Variants in PRKN observed in about 807,000 individuals in gnomAD.
PRKN encodes the protein parkin RBR E3 ubiquitin protein ligase.
Under a neutral mutation model 59.5 loss-of-function variants are expected in PRKN, and 56 were observed. The observed-to-expected ratio is 0.94, with a 90% CI of 0.76 to 1.18. PRKN has a LOEUF of 1.18. Among genes scored for constraint, PRKN ranks in the 50% most tolerant of loss-of-function variants. The probability of loss-of-function intolerance (pLI) is 0.00; values close to 1 mark genes in which losing one functional copy is unlikely to be tolerated. For synonymous variants in PRKN, 250 were observed against 222.1 expected, an observed-to-expected ratio of 1.13 and a Z score of -1.12; for missense variants, 657 against 596.4, an observed-to-expected ratio of 1.10 and a Z score of -1.06.
chr6:161,984,898 G>A (rs1249340533), intron 5 of PRKN, among the ~76,000 whole-genome samples: 1 of 152,176 alleles, frequency 6.6e-6, no homozygotes. Context: ...CTGCTGGCCA[G>A]ATGAAGCAGC....
chr6:161,995,193 A>G (rs1781796614), intron 5 of PRKN, among the ~76,000 whole-genome samples: 1 of 152,202 alleles, frequency 6.6e-6, no homozygotes, highest in South Asian at 2.1e-4. Flanking sequence ...TGGAGAAAGG[A>G]CACTACAATA....
chr6:162,126,027 A>C (rs1781109725), intron 4 of PRKN, among the ~76,000 whole-genome samples: 1 of 152,200 alleles, frequency 6.6e-6, no homozygotes, highest in Non-Finnish European at 1.5e-5. Context: ...GCTTCTGTAG[A>C]TTATGATGTC....
intron 7 of PRKN, among the ~76,000 whole-genome samples, chr6:161,704,682 C>G (rs1378550076): frequency 6.6e-6 from 1 of 152,118 alleles, no homozygotes; most frequent in African/African-American, 2.4e-5. Flanking sequence ...AGTACCACAC[C>G]AAGCCCAAAA....
chr6:161,756,163 C>T (rs1057031120), intron 7 of PRKN, among the ~76,000 whole-genome samples: 5 of 152,054 alleles, frequency 3.3e-5, no homozygotes, highest in African/African-American at 1.2e-4. Flanking sequence ...CTTTCTCGGC[C>T]AGACGCGGTG....
intron 6 of PRKN, among the ~76,000 whole-genome samples, chr6:161,915,235 G>A (rs1778510989): frequency 1.3e-5 from 2 of 152,208 alleles, no homozygotes; most frequent in Admixed American, 1.3e-4. Flanking sequence ...GCAGTGAGCC[G>A]AGGTTGTGCC....
At position 162,357,462 on chromosome 6, in the gene PRKN, G is replaced by A. The variant is rs140497480; in HGVS notation, c.171+85848C>T. ...AGATAGTACTGCCCACCTAGTTGAT[G>A]GCTAAAATTCAGAACACTGAAAACA... On this transcript the variant is annotated intron_variant, in intron 2 of 11. Transcript: ENST00000366898. 2.4e-3 allele frequency among the ~76,000 whole-genome samples: 370 copies of A among 152,294 alleles called. 1 individual carries two copies. Among genetic ancestry groups the A allele is most frequent in the African/African-American group, 8.6e-3 (357 of 41,576 alleles).
intron 7 of PRKN, among the ~76,000 whole-genome samples, chr6:161,727,302 C>G (rs1012985083): frequency 1.3e-5 from 2 of 152,180 alleles, no homozygotes; most frequent in African/African-American, 4.8e-5. Flanking sequence ...GACTGTTTCT[C>G]TGCAGAGGGA....
intron 2 of PRKN, among the ~76,000 whole-genome samples, chr6:162,415,423 G>C (rs13220779): frequency 6.6e-6 from 1 of 151,910 alleles, no homozygotes; most frequent in Non-Finnish European, 1.5e-5. Context: ...GAAACAGATC[G>C]TGTGAAGAGT....
At chr6:161,904,402 A>G (rs1209304059) in intron 6 of PRKN, among the ~76,000 whole-genome samples, 1 of 128,440 alleles carries the variant, frequency 7.8e-6, no homozygotes, top group African/African-American at 3.1e-5. Flanking sequence ...TGCAACCTCC[A>G]CCTCCTGGGT....
At chr6:162,312,628 G>A (rs1403606977) in intron 2 of PRKN, among the ~76,000 whole-genome samples, 2 of 152,154 alleles carry the variant, frequency 1.3e-5, no homozygotes, top group East Asian at 1.9e-4. Flanking sequence ...AACATTCCCA[G>A]ACATCGAAGC....
chr6:161,542,528 A>C (rs1046537828), intron 9 of PRKN, among the ~76,000 whole-genome samples: 1 of 152,248 alleles, frequency 6.6e-6, no homozygotes, highest in African/African-American at 2.4e-5. Context: ...AAGCTGTCTC[A>C]CAGGCAGAAA....
chr6:161,881,079 G>T (rs1247228638), intron 6 of PRKN, among the ~76,000 whole-genome samples: 1 of 152,106 alleles, frequency 6.6e-6, no homozygotes, highest in African/African-American at 2.4e-5. Flanking sequence ...GGGTAGAAAG[G>T]AGGGCCTCAC....
chr6:162,350,487 A>T (rs1784578695), intron 2 of PRKN, among the ~76,000 whole-genome samples: 1 of 152,228 alleles, frequency 6.6e-6, no homozygotes, highest in Admixed American at 6.5e-5. Flanking sequence ...ACAGACAAAT[A>T]GATCAATAGA....
intron 3 of PRKN, among the ~76,000 whole-genome samples, chr6:162,220,834 T>C (rs764093828): frequency 3.3e-5 from 5 of 152,202 alleles, no homozygotes; most frequent in Non-Finnish European, 7.3e-5. Context: ...TCAGCAGGGA[T>C]TTGCAGTGAA....
chr6:161,885,527 T>C (rs981864008), intron 6 of PRKN, among the ~76,000 whole-genome samples: 2 of 151,906 alleles, frequency 1.3e-5, no homozygotes, highest in East Asian at 1.9e-4. Flanking sequence ...TAGCCAGGCG[T>C]GGTGGCGGGC....
intron 3 of PRKN, among the ~76,000 whole-genome samples, chr6:162,251,329 G>C (rs1223703588): frequency 6.6e-6 from 1 of 152,124 alleles, no homozygotes; most frequent in African/African-American, 2.4e-5. Flanking sequence ...CTGCTCATCA[G>C]AATCACCTGT....
chr6:162,150,384 T>G (rs576099264), intron 4 of PRKN, among the ~76,000 whole-genome samples: 1 of 152,182 alleles, frequency 6.6e-6, no homozygotes, highest in Non-Finnish European at 1.5e-5. Flanking sequence ...CTCCAGAGCA[T>G]GAGGGTACAA....
chr6:162,325,908 C>T (rs921905269), intron 2 of PRKN, among the ~76,000 whole-genome samples: 2 of 152,124 alleles, frequency 1.3e-5, no homozygotes, highest in African/African-American at 4.8e-5. Context: ...TTCTTAGAGA[C>T]TGTAAAGCAA....
chr6:161,598,508 G>C (rs1323413859), intron 7 of PRKN, among the ~76,000 whole-genome samples: 1 of 152,170 alleles, frequency 6.6e-6, no homozygotes, highest in East Asian at 1.9e-4. Context: ...TGAATCTTAA[G>C]AATTTTAATT....
Sources: allele counts gnomAD v4.1 joint callset (sites outside exome capture counted in the v4.1 genomes callset), GRCh38; gene constraint gnomAD v4.1.1; transcripts MANE v1.5; gene names NCBI Gene and HGNC (gene_info 2026-07-23, HGNC 2026-07-21).